The following SMTN variants were observed in gnomAD, a reference collection of about 807,000 sequenced individuals.
The protein encoded by SMTN is smoothelin.
In SMTN, 58 loss-of-function variants were observed where a neutral mutation model predicts 102.0. The observed-to-expected ratio is 0.57, with a 90% CI of 0.46 to 0.71. The LOEUF (loss-of-function observed/expected upper bound fraction) is 0.71. Ranked by LOEUF, SMTN falls within the 30% of genes least tolerant of loss-of-function variation. SMTN has a pLI of 0.00. For missense variants in SMTN, 1,185 were observed against 1,241.7 expected, an observed-to-expected ratio of 0.95 and a Z score of 0.69; for synonymous variants, 478 against 497.9, an observed-to-expected ratio of 0.96 and a Z score of 0.53.
At chr22:31,084,882 G>A in intron 2 of SMTN, 2 of 1,129,974 alleles carry the variant, frequency 1.8e-6, no homozygotes, top group Non-Finnish European at 2.3e-6. Flanking sequence ...CCGCGCGCCG[G>A]CCCGGCCCCC....
chr22:31,095,354 G>A lies in SMTN; in HGVS notation c.1684G>A (p.Gly562Arg). 1 of 1,614,188 alleles carries A rather than the reference G, an allele frequency of 6.2e-7. No individual in the cohort carries two copies. Among genetic ancestry groups the A allele is most frequent in the East Asian group, 2.2e-5 (1 of 44,888 alleles). The change falls in exon 12 of 21, where the codon GGG (glycine) becomes AGG (arginine). Residue 562 changes from glycine to arginine, a missense_variant. By Grantham distance (125) the Gly-to-Arg change is moderately radical (BLOSUM62 -2). Coordinates refer to ENST00000333137, the MANE Select transcript of SMTN (RefSeq NM_134269.3). The surrounding 1 kb of genome is among the most constrained non-coding windows in gnomAD (Gnocchi z 4.1). ...PLAAAVEAAN[G>R]AEQTRVNKAP... is the part of the protein sequence containing the mutation. ...CGCTGCAGCAGTGGAAGCGGCCAAT[G>A]GGGCTGAGCAGACCCGAGTGAACAA...
chr22:31,082,918 AG>A, intron 1 of SMTN: 1 of 1,545,548 alleles, frequency 6.5e-7, no homozygotes, highest in Non-Finnish European at 8.8e-7. Flanking sequence ...AGGTTTAGAC[AG>A]GATGAGAGTC....
intron 2 of SMTN, among the ~76,000 whole-genome samples, chr22:31,086,506 C>T (rs1304207134): frequency 6.6e-6 from 1 of 152,176 alleles, no homozygotes; most frequent in East Asian, 1.9e-4. Context: ...CTGCCCTTCC[C>T]ATTTGCCCCC....
intron 2 of SMTN, among the ~76,000 whole-genome samples, chr22:31,084,707 T>C (rs2147585285): frequency 6.6e-6 from 1 of 152,316 alleles, no homozygotes; most frequent in Admixed American, 6.5e-5. Context: ...TAAGCGAGGC[T>C]CGGGCGGCGC....
upstream of SMTN, among the ~76,000 whole-genome samples, chr22:31,076,377 G>A (rs1242512596): frequency 6.6e-6 from 1 of 152,192 alleles, no homozygotes; most frequent in Non-Finnish European, 1.5e-5. Flanking sequence ...CCTCCAGTGA[G>A]GCTTACTGGA....
rs138889459 is a variant in SMTN at position 31,089,014 on chromosome 22, AC to A, written c.471+47del. 4,212 of 1,486,070 alleles carry A rather than the reference AC, an allele frequency of 2.8e-3. 9 individuals are homozygous for A. Among genetic ancestry groups the A allele is most frequent in the Non-Finnish European group, 3.8e-3 (4,080 of 1,065,814 alleles). 92.1% of individuals were successfully genotyped at this position (1,486,070 alleles called of 1,614,324 possible). On this transcript the variant is annotated intron_variant, in intron 6 of 20. Coordinates refer to ENST00000333137, the MANE Select transcript of SMTN (RefSeq NM_134269.3). ...GGCCCAGTGTCCTGTGCCCATGGAT[AC>A]CGGTAGCACAGAGTGCCTGAGTGTC...
In SMTN at chr22:31,089,747, ACCC is replaced by A; in HGVS notation, c.523_525del (p.Pro175del). 1 of 1,609,090 alleles carries A rather than the reference ACCC, an allele frequency of 6.2e-7. No individual in the cohort carries two copies. The highest frequency in any genetic ancestry group is 8.5e-7 in the Non-Finnish European group (1 of 1,179,654). On this transcript the variant is annotated inframe_deletion, in exon 7 of 21. Coordinates refer to ENST00000333137, the MANE Select transcript of SMTN (RefSeq NM_134269.3). Reference sequence around the variant, plus strand: ...ACAGCAGGCAGAGGTTTCAAAGCCAACCCCCACCCCTGAAGGCACCAGCCAGGA... The same window carrying A: ...ACAGCAGGCAGAGGTTTCAAAGCCAACCACCCCTGAAGGCACCAGCCAGGA...
intron 2 of SMTN, among the ~76,000 whole-genome samples, chr22:31,084,571 T>TC (rs953461707): frequency 1.3e-5 from 2 of 152,092 alleles, no homozygotes; most frequent in Non-Finnish European, 2.9e-5. Flanking sequence ...GAAGTCCAAG[T>TC]CCCAGTGGGG....
chr22:31,098,831 G>C lies in SMTN; in HGVS notation c.2324G>C (p.Gly775Ala), dbSNP rs1351546521. The C allele has an allele frequency of 6.2e-7, 1 of 1,606,770 alleles. No homozygotes were observed. Among genetic ancestry groups the C allele is most frequent in the Middle Eastern group, 1.7e-4 (1 of 5,912 alleles). The change falls in exon 17 of 21, where the codon GGC becomes GCC. Residue 775 changes from glycine (G) to alanine (A), a missense_variant. Around this residue, in one of 2 missense-constraint regions of SMTN, gnomAD observed 1,096 missense variants for 1,112.7 expected, o/e 0.98. Coordinates refer to ENST00000333137, the MANE Select transcript of SMTN (RefSeq NM_134269.3). The stretch of plus-strand genomic sequence containing the variant: ...ATGATTGAGAAGCTGGAGAAGGAGG[G>C]CGCGGCCGGGTGAGCTGCAGAAGTG... ...KAMIEKLEKEGAAGSPGGPRA... is the reference protein window; with the variant it reads ...KAMIEKLEKEAAAGSPGGPRA...
chr22:31,087,837 C>T (rs893071795), intron 2 of SMTN, 128 bp from the exon 3 acceptor site: 15 of 1,030,256 alleles, frequency 1.5e-5, no homozygotes, highest in Non-Finnish European at 1.9e-5. Context: ...CAGGCAGGCA[C>T]GTGAAGAGCT....
At chr22:31,085,938 C>T (rs191050460) in intron 2 of SMTN, among the ~76,000 whole-genome samples, 1 of 152,234 alleles carries the variant, frequency 6.6e-6, no homozygotes, top group Non-Finnish European at 1.5e-5. Context: ...GAGACAAGGA[C>T]CCCATCTCCG....
chr22:31,075,309 G>C (rs1376568679), intron 1 of SMTN, among the ~76,000 whole-genome samples: 3 of 152,166 alleles, frequency 2.0e-5, no homozygotes, highest in Non-Finnish European at 4.4e-5. Flanking sequence ...GAGTGCCAAG[G>C]AGGGACAGTG....
chr22:31,090,224 T>G, intron 8 of SMTN, 44 bp downstream of exon 8: 1 of 1,462,762 alleles, frequency 6.8e-7, no homozygotes, highest in Non-Finnish European at 9.3e-7. Context: ...TTTCTTCCCC[T>G]CCCCCTGCCT....
chr22:31,099,112 T>TC lies in SMTN; in HGVS notation c.2388dup (p.Asn797GlnfsTer34), dbSNP rs2043870486. 5 of 1,613,044 alleles carry TC rather than the reference T, an allele frequency of 3.1e-6. No homozygotes were observed. Among genetic ancestry groups the TC allele is most frequent in the Non-Finnish European group, 4.2e-6 (5 of 1,179,930 alleles). ...GTGCAGCGATCCACCAGCTTCGGGG[T>TC]CCCCAACGCCAACAGCATCAAGCAG... On this transcript the variant is annotated frameshift_variant, in exon 18 of 21. Coordinates refer to ENST00000333137, the MANE Select transcript of SMTN (RefSeq NM_134269.3). LOFTEE classifies it high-confidence loss of function.
Position 31,100,124 on chromosome 22 carries a change from C to T in SMTN, c.2603+228C>T, listed in dbSNP as rs533023393. Reference sequence around the variant, plus strand: ...GGAGCCGCAGGCCGGCCTACCAGCCCGGGCCAAAGCCCACCAGGTGGCCCT... The same window carrying T: ...GGAGCCGCAGGCCGGCCTACCAGCCTGGGCCAAAGCCCACCAGGTGGCCCT... On this transcript the variant is annotated intron_variant, in intron 19 of 20. Transcript: ENST00000333137. Among the ~76,000 whole-genome samples the T allele has an allele frequency of 4.6e-5, 7 of 151,858 alleles. No individual in the cohort carries two copies. The East Asian group carries it at 9.8e-4, about 21-fold the overall frequency.
intron 1 of SMTN, among the ~76,000 whole-genome samples, chr22:31,073,064 G>C (rs2042045241): frequency 7.4e-6 from 1 of 134,958 alleles, no homozygotes; most frequent in Non-Finnish European, 1.5e-5. Flanking sequence ...ACCCAGGCTA[G>C]AGTGCAATGG....
At chr22:31,087,906 C>T in intron 2 of SMTN, 59 bp from the exon 3 acceptor site, 1 of 1,510,254 alleles carries the variant, frequency 6.6e-7, no homozygotes, top group Non-Finnish European at 8.9e-7. Flanking sequence ...CCGTGGGCAG[C>T]TGGTGCCAGC....
At chr22:31,094,601 T>C (rs1280722618) in intron 11 of SMTN, among the ~76,000 whole-genome samples, 1 of 151,368 alleles carries the variant, frequency 6.6e-6, no homozygotes, top group African/African-American at 2.4e-5. Flanking sequence ...CCAGGCTGCA[T>C]CACACTTAGA....
intron 2 of SMTN, chr22:31,085,152 C>CCGAGTT (rs1442997393): frequency 6.5e-7 from 1 of 1,535,526 alleles, no homozygotes. Context: ...TGCCTCGGTC[C>CCGAGTT]CGAGTTCGAG....
Sources: gnomAD v4.1 joint callset for allele counts (sites outside exome capture counted in the v4.1 genomes callset) on GRCh38, gnomAD v4.1.1 for gene constraint, gnomAD v4.1.1 regional missense constraint, Gnocchi (gnomAD v3.1) non-coding constraint, MANE v1.5 for transcripts, NCBI Gene and HGNC (gene_info 2026-07-23, HGNC 2026-07-21) for gene names.